Variants in REG1B observed in about 807,000 individuals in gnomAD.
The protein encoded by REG1B is lithostathine-1-beta.
A neutral mutation model predicts 20.4 loss-of-function variants in REG1B; 21 were observed. The observed-to-expected ratio is 1.03, with a 90% confidence interval of 0.73 to 1.48. REG1B has a LOEUF of 1.48. Ranked by LOEUF, REG1B falls within the 40% of genes most tolerant of loss-of-function variation. The pLI is 0.00. For synonymous variants in REG1B, 82 were observed against 73.4 expected, an observed-to-expected ratio of 1.12 and a Z score of -0.60; for missense variants, 247 against 197.2, an observed-to-expected ratio of 1.25 and a Z score of -1.51.
rs775511086 is a variant in REG1B at position 79,086,974 on chromosome 2, C to T, written c.65-44G>A. ...AGATAATTAAGAAAGAATCGCAGGG[C>T]AAGGAAAAGGCTGGAAGGTGAATTA... is the stretch of plus-strand genomic sequence containing the variant. On this transcript the variant is annotated intron_variant, in intron 2 of 5. Transcript: ENST00000305089. 6.0e-6 allele frequency: 9 copies of T among 1,511,608 alleles called. No individual in the cohort carries two copies. The South Asian group carries it at 9.0e-5, about 15-fold the overall frequency. The allele number at this position is 1,511,608 out of a possible 1,614,324, so 93.6% of individuals were successfully genotyped here. A position where few individuals can be genotyped will look rare whatever the true frequency, so the allele number is the denominator to read the frequency against.
intron 5 of REG1B, 54 bp from the exon 6 acceptor site, chr2:79,085,337 T>C: frequency 6.9e-7 from 1 of 1,447,238 alleles, no homozygotes; most frequent in Non-Finnish European, 9.7e-7. Flanking sequence ...GTGTAGCCCC[T>C]CCTCAACCTA....
In REG1B at chr2:79,085,227, A is replaced by T; in HGVS notation, c.490T>A (p.Phe164Ile). Residue 164 changes from phenylalanine (F) to isoleucine (I), a missense_variant, in exon 6 of 6, where the codon TTC (phenylalanine) becomes ATC (isoleucine). Transcript: ENST00000305089. ...TTTTTCAGCTTCCTCTAGTTTTTGA[A>T]CTTGCAAACAAAGGAGAACTTCTTC... ...CEKKFSFVCKFKN is the reference protein window; with the variant it reads ...CEKKFSFVCKIKN The T allele has an allele frequency of 6.2e-7, 1 of 1,613,058 alleles. No homozygotes were observed. Among genetic ancestry groups the T allele is most frequent in the Non-Finnish European group, 8.5e-7 (1 of 1,179,090 alleles).
chr2:79,085,209 G>C lies in REG1B; in HGVS notation c.*7C>G, dbSNP rs759505165. 2 of 1,607,692 alleles carry C rather than the reference G, an allele frequency of 1.2e-6. No individual in the cohort carries two copies. The highest frequency in any genetic ancestry group is 4.5e-5 in the East Asian group (2 of 44,808). ...ACCAGTTCTAGACATCCATTTTTCA[G>C]CTTCCTCTAGTTTTTGAACTTGCAA... On this transcript the variant is annotated 3_prime_UTR_variant, in exon 6 of 6. Coordinates refer to ENST00000305089, the MANE Select transcript of REG1B (RefSeq NM_006507.4).
rs1397120609 is a variant in REG1B at position 79,085,607 on chromosome 2, G to T, written c.322-4C>A. ...TACTCCAGTGCCAGCGGCGGTTCTA[G>T]ATGGAGAAGGGCCAGAACAGGGGCC... On this transcript the variant is annotated splice_polypyrimidine_tract_variant and splice_region_variant and intron_variant, in intron 4 of 5. Transcript: ENST00000305089. 5 of 1,600,938 alleles carry T rather than the reference G, an allele frequency of 3.1e-6. No homozygotes were observed. The highest frequency in any genetic ancestry group is 4.3e-6 in the Non-Finnish European group (5 of 1,169,564).
chr2:79,087,246 G>T (rs1398420479), intron 2 of REG1B: 3 of 534,564 alleles, frequency 5.6e-6, no homozygotes, highest in African/African-American at 1.9e-5. Flanking sequence ...GCACACGTTT[G>T]CCTTAGCTCT....
At position 79,085,038 on chromosome 2, in the gene REG1B, A is replaced by C. The variant is rs112209711; in HGVS notation, c.*178T>G. ...GAAGACAGAACACTGGATAAAAATAAGTTTGTTTTTATTTTTCAGGGCTCT... is the reference window on the plus strand; with the variant it reads ...GAAGACAGAACACTGGATAAAAATACGTTTGTTTTTATTTTTCAGGGCTCT... On this transcript the variant is annotated 3_prime_UTR_variant, in exon 6 of 6. Transcript: ENST00000305089. The C allele has an allele frequency of 2.5e-5, 15 of 599,148 alleles. No individual in the cohort carries two copies. Among genetic ancestry groups the C allele is most frequent in the Middle Eastern group, 4.5e-4 (1 of 2,226 alleles). The allele number at this position is 599,148 out of a possible 1,614,324, so 37.1% of individuals were successfully genotyped here.
chr2:79,086,789 C>G, intron 3 of REG1B, 23 bp downstream of exon 3: 1 of 1,602,272 alleles, frequency 6.2e-7, no homozygotes, highest in Non-Finnish European at 8.6e-7. Flanking sequence ...AGCCTCCCTT[C>G]CCCTGCTGCT....
At chr2:79,087,767 T>C in intron 1 of REG1B, 109 bp from the exon 2 acceptor site, 1 of 627,452 alleles carries the variant, frequency 1.6e-6, no homozygotes, top group Non-Finnish European at 2.6e-6. Flanking sequence ...TCCACTGAGA[T>C]AGCTACACTC....
Position 79,086,948 on chromosome 2 carries a change from G to A in REG1B, c.65-18C>T. On this transcript the variant is annotated intron_variant, in intron 2 of 5. Coordinates refer to ENST00000305089, the MANE Select transcript of REG1B (RefSeq NM_006507.4). ...CTCCTGGCCTGGGGAAAAAAAAAAG[G>A]AGATAATTAAGAAAGAATCGCAGGG... 1 of 1,595,894 alleles carries A rather than the reference G, an allele frequency of 6.3e-7. No homozygotes were observed. Among genetic ancestry groups the A allele is most frequent in the Non-Finnish European group, 8.6e-7 (1 of 1,163,734 alleles).
intron 1 of REG1B, 48 bp downstream of exon 1, chr2:79,087,911 G>C (rs572220386): frequency 1.5e-4 from 46 of 302,960 alleles, no homozygotes; most frequent in African/African-American, 9.0e-4. Flanking sequence ...AAAATGAAAA[G>C]AGAAAATCCC....
intron 3 of REG1B, 89 bp downstream of exon 3, chr2:79,086,723 T>C (rs771263591): frequency 2.9e-5 from 40 of 1,372,656 alleles, no homozygotes; most frequent in Admixed American, 6.7e-5. Context: ...GGATCAATCT[T>C]ATCTCATTGC....
Position 79,085,238 on chromosome 2 carries a change from A to C in REG1B, c.479T>G (p.Phe160Cys). The C allele has an allele frequency of 6.2e-7, 1 of 1,613,532 alleles. No homozygotes were observed. The highest frequency in any genetic ancestry group is 8.5e-7 in the Non-Finnish European group (1 of 1,179,482). ...KDESCEKKFSFVCKFKN is the reference protein window; with the variant it reads ...KDESCEKKFSCVCKFKN ...CCTCTAGTTTTTGAACTTGCAAACAAAGGAGAACTTCTTCTCACAAGATTC... is the reference window on the plus strand; with the variant it reads ...CCTCTAGTTTTTGAACTTGCAAACACAGGAGAACTTCTTCTCACAAGATTC... Residue 160 changes from phenylalanine (F) to cysteine (C), a missense_variant, in exon 6 of 6, where the codon TTT becomes TGT. Coordinates refer to ENST00000305089, the MANE Select transcript of REG1B (RefSeq NM_006507.4).
At chr2:79,086,552 G>A (rs751318945) in intron 3 of REG1B, 48 bp from the exon 4 acceptor site, 29 of 1,603,964 alleles carry the variant, frequency 1.8e-5, no homozygotes, top group Non-Finnish European at 2.4e-5. Flanking sequence ...AAGGTGTGAG[G>A]GATATACTGA....
Position 79,085,111 on chromosome 2 carries a change from T to A in REG1B, c.*105A>T. Reference sequence around the variant, plus strand: ...ACTGAAGATCAGCGATGCAAACTCATTAGGGAGGAGATGGTCTGAACTGAG... The same window carrying A: ...ACTGAAGATCAGCGATGCAAACTCAATAGGGAGGAGATGGTCTGAACTGAG... On this transcript the variant is annotated 3_prime_UTR_variant, in exon 6 of 6. Transcript: ENST00000305089. The A allele has an allele frequency of 1.3e-6, 1 of 782,446 alleles. No homozygotes were observed. The highest frequency in any genetic ancestry group is 1.9e-5 in the Admixed American group (1 of 51,778). 48.5% of individuals were successfully genotyped at this position (782,446 alleles called of 1,614,324 possible).
chr2:79,087,378 A>G, intron 2 of REG1B, 171 bp downstream of exon 2: 1 of 653,396 alleles, frequency 1.5e-6, no homozygotes, highest in South Asian at 2.0e-5. Context: ...TCTCAAACCC[A>G]TGAATGAGGT....
chr2:79,087,575 G>T lies in REG1B; in HGVS notation c.38C>A (p.Ser13Tyr), dbSNP rs756864866. Residue 13 changes from serine to tyrosine, a missense_variant, in exon 2 of 6, where the codon TCC (serine) becomes TAC (tyrosine). Ser to Tyr is a moderately radical substitution (Grantham distance 144). Transcript: ENST00000305089. ...QTNSFFMLIS[S>Y]LMFLSLSQGQ... ...TTGGCTCAGAGACAGGAACATCAGG[G>T]AGGAGATCAGCATGAAGAACGAGTT... 1.9e-6 allele frequency: 3 copies of T among 1,613,984 alleles called. No homozygotes were observed. Among genetic ancestry groups the T allele is most frequent in the East Asian group, 4.5e-5 (2 of 44,866 alleles).
At chr2:79,085,815 A>G (rs1672390742) in intron 4 of REG1B, 1 of 398,428 alleles carries the variant, frequency 2.5e-6, no homozygotes, top group South Asian at 3.3e-5. Context: ...GCAAATAATA[A>G]GTGTTCAGAA....
At chr2:79,085,309 C>A in intron 5 of REG1B, 26 bp from the exon 6 acceptor site, 1 of 1,557,250 alleles carries the variant, frequency 6.4e-7, no homozygotes, top group East Asian at 2.2e-5. Context: ...AAGTGTCAGA[C>A]ATAGAGGATC....
chr2:79,085,797 C>T, intron 4 of REG1B, 194 bp from the exon 5 acceptor site: 2 of 441,048 alleles, frequency 4.5e-6, no homozygotes, highest in Non-Finnish European at 8.1e-6. Context: ...ATTCCTCCTC[C>T]TCTTCCAGCA....
Sources: gnomAD v4.1 joint callset for allele counts on GRCh38, gnomAD v4.1.1 for gene constraint, MANE v1.5 for transcripts, NCBI Gene and HGNC (gene_info 2026-07-23, HGNC 2026-07-21) for gene names.